The following ZNF484 variants were observed in gnomAD, a reference collection of about 807,000 sequenced individuals.
The protein encoded by ZNF484 is KRAB box containing C2H2 type zinc finger bA526D8.4.
In ZNF484, 11 loss-of-function variants were observed where a neutral mutation model predicts 12.9. The ratio of observed to expected loss-of-function variants is 0.85; its 90% CI spans 0.54 to 1.41. The LOEUF (loss-of-function observed/expected upper bound fraction) is 1.41. ZNF484 is among the 40% of genes most tolerant of loss of function. The pLI, the probability that ZNF484 is intolerant of heterozygous loss-of-function variation, is 0.00. For missense variants in ZNF484, 807 were observed against 1,007.7 expected (o/e 0.80, Z 2.70); for synonymous variants, 289 against 334.1 (o/e 0.86, Z 1.47).
At chr9:92,858,866 C>T (rs1856618326) in intron 2 of ZNF484, among the ~76,000 whole-genome samples, 1 of 152,138 alleles carries the variant, frequency 6.6e-6, no homozygotes, top group Non-Finnish European at 1.5e-5. Context: ...TGGCTCACAC[C>T]TGTAATCCCA....
At chr9:92,850,089 G>GCC (rs1225858423) in intron 4 of ZNF484, among the ~76,000 whole-genome samples, 1 of 152,178 alleles carries the variant, frequency 6.6e-6, no homozygotes, top group African/African-American at 2.4e-5. Flanking sequence ...GCGTAAGCCA[G>GCC]CAAGCCCAGC....
chr9:92,857,660 G>A (rs908228288), intron 2 of ZNF484, among the ~76,000 whole-genome samples: 4 of 152,136 alleles, frequency 2.6e-5, no homozygotes, highest in African/African-American at 7.2e-5. Context: ...GCTTCAACCC[G>A]GCCTTATTTC....
rs1488468801 is a variant in ZNF484, at chr9:92,875,024, G to A, written c.6C>T (p.Thr2=). M[T]KSLESVSFKD... is the part of the protein sequence containing the mutation. ...ACAAATAAGAACTCACCAGGGACTTGGTCATTTTTGGCTCTTCGGACAAAG... is the reference window on the plus strand; with the variant it reads ...ACAAATAAGAACTCACCAGGGACTTAGTCATTTTTGGCTCTTCGGACAAAG... Residue 2 remains threonine (T), a synonymous_variant, in exon 2 of 5, where the codon ACC becomes ACT. Coordinates refer to ENST00000375495, the MANE Select transcript of ZNF484 (RefSeq NM_031486.4). The A allele has an allele frequency of 6.2e-7, 1 of 1,613,944 alleles. No homozygotes were observed. The highest frequency in any genetic ancestry group is 2.2e-5 in the East Asian group (1 of 44,850).
rs1286871789 is a variant in ZNF484, at chr9:92,844,501, T to C, written c.*1727A>G. 6.6e-6 allele frequency among the ~76,000 whole-genome samples: 1 copy of C among 151,482 alleles called. No homozygotes were observed. Among genetic ancestry groups the C allele is most frequent in the East Asian group, 1.9e-4 (1 of 5,174 alleles). On this transcript the variant is annotated 3_prime_UTR_variant, in exon 5 of 5. Transcript: ENST00000375495. ...CAAGGAGGATAAATACATGGAAAAA[T>C]TACACCTAGGCATATCAATGTGCAA... is the stretch of plus-strand genomic sequence containing the variant.
rs1345341814 is a variant in ZNF484, at chr9:92,848,749, C to T, written c.236-198G>A. 6.6e-6 allele frequency among the ~76,000 whole-genome samples: 1 copy of T among 151,148 alleles called. No homozygotes were observed. Among genetic ancestry groups the T allele is most frequent in the Non-Finnish European group, 1.5e-5 (1 of 67,814 alleles). On this transcript the variant is annotated intron_variant, in intron 4 of 4. Transcript: ENST00000375495. The surrounding 1 kb of genome is among the most constrained non-coding windows in gnomAD (Gnocchi z 4.1). ...CTAAAAAACACTCAAAATATTGTCT[C>T]TACTAAAAATTAGCCAGGCGTGGTG...
chr9:92,866,136 A>G (rs1161050198), intron 2 of ZNF484, among the ~76,000 whole-genome samples: 1 of 152,236 alleles, frequency 6.6e-6, no homozygotes, highest in Non-Finnish European at 1.5e-5. Context: ...TTAGTTATCC[A>G]GATTGAGGAC....
chr9:92,856,104 G>A, intron 3 of ZNF484, 88 bp downstream of exon 3: 1 of 1,559,634 alleles, frequency 6.4e-7, no homozygotes. Context: ...ACATACCTCA[G>A]AAAACACAGA....
At chr9:92,850,524 T>C (rs925975801) in intron 4 of ZNF484, among the ~76,000 whole-genome samples, 1 of 152,226 alleles carries the variant, frequency 6.6e-6, no homozygotes, top group African/African-American at 2.4e-5. Flanking sequence ...GTTATATTTA[T>C]ATAGCCTCTC....
chr9:92,868,969 T>A (rs1857270277), intron 2 of ZNF484, among the ~76,000 whole-genome samples: 1 of 152,110 alleles, frequency 6.6e-6, no homozygotes. Context: ...CAAGTGATCC[T>A]CCTACCTTGG....
intron 2 of ZNF484, among the ~76,000 whole-genome samples, chr9:92,870,360 A>G (rs1016674122): frequency 6.6e-6 from 1 of 152,252 alleles, no homozygotes; most frequent in African/African-American, 2.4e-5. Flanking sequence ...AAAAACTTTT[A>G]GACAAAACCT....
intron 2 of ZNF484, among the ~76,000 whole-genome samples, chr9:92,865,040 GAA>G (rs997987774): frequency 1.6e-4 from 24 of 150,854 alleles, no homozygotes; most frequent in African/African-American, 5.5e-4. Context: ...GAGAGAGAGA[GAA>G]AGAGAGAGAG....
chr9:92,859,811 G>A (rs1392949746), intron 2 of ZNF484, among the ~76,000 whole-genome samples: 1 of 152,214 alleles, frequency 6.6e-6, no homozygotes, highest in Non-Finnish European at 1.5e-5. Flanking sequence ...GCTTTACAAT[G>A]AAAGGATACA....
At chr9:92,856,404 TCGA>T (rs2117946550) in intron 2 of ZNF484, 86 bp from the exon 3 acceptor site, 2 of 1,143,294 alleles carry the variant, frequency 1.7e-6, no homozygotes, top group Admixed American at 2.8e-5. Context: ...ATGTGAAGGA[TCGA>T]GATTACAGAA....
Position 92,847,524 on chromosome 9 carries a change from A to G in ZNF484, c.1263T>C (p.Phe421=), listed in dbSNP as rs1199829156. ...PYVCTECGKA[F]IRKSHFITHE... ...GTGTGATAAAATGTGACTTCCGGAT[A>G]AAGGCCTTCCCACATTCAGTACATA... The change falls in exon 5 of 5, where the codon TTT becomes TTC. Residue 421 remains phenylalanine, a synonymous_variant. Coordinates refer to ENST00000375495, the MANE Select transcript of ZNF484 (RefSeq NM_031486.4). 1.9e-6 allele frequency: 3 copies of G among 1,613,122 alleles called. No individual in the cohort carries two copies. Among genetic ancestry groups the G allele is most frequent in the South Asian group, 2.2e-5 (2 of 90,850 alleles).
intron 2 of ZNF484, among the ~76,000 whole-genome samples, chr9:92,858,198 A>C (rs1038788308): frequency 6.6e-6 from 1 of 152,246 alleles, no homozygotes; most frequent in Non-Finnish European, 1.5e-5. Context: ...GTTGGTTCTT[A>C]TAATAAAGAA....
At chr9:92,869,371 T>C (rs1392770306) in intron 2 of ZNF484, among the ~76,000 whole-genome samples, 1 of 152,152 alleles carries the variant, frequency 6.6e-6, no homozygotes, top group Admixed American at 6.6e-5. Context: ...CTTGTGAATA[T>C]TGTTAAAATA....
chr9:92,854,809 A>T (rs1428708348), intron 4 of ZNF484, among the ~76,000 whole-genome samples: 3 of 152,204 alleles, frequency 2.0e-5, no homozygotes, highest in African/African-American at 7.2e-5. Context: ...GAAAAACTGG[A>T]CAAGTAAAAT....
chr9:92,848,667 C>A lies in ZNF484; in HGVS notation c.236-116G>T, dbSNP rs1855862838. On this transcript the variant is annotated intron_variant, in intron 4 of 4. Transcript: ENST00000375495. This position sits in a 1 kb window ranked among gnomAD's most constrained non-coding sequence, Gnocchi z 4.1. Reference sequence around the variant, plus strand: ...CTTTGGGAGGCTGAGGTGGGCAGATCACTTGAGGCCAGGAGTTTGAGACCA... The same window carrying A: ...CTTTGGGAGGCTGAGGTGGGCAGATAACTTGAGGCCAGGAGTTTGAGACCA... 6.7e-6 allele frequency: 6 copies of A among 897,434 alleles called. No homozygotes were observed. The Admixed American group carries it at 1.6e-4, about 24-fold the overall frequency. 55.6% of individuals were successfully genotyped at this position (897,434 alleles called of 1,614,324 possible).
intron 4 of ZNF484, among the ~76,000 whole-genome samples, chr9:92,853,196 A>C (rs1230717421): frequency 6.6e-6 from 1 of 152,244 alleles, no homozygotes; most frequent in Non-Finnish European, 1.5e-5. Context: ...TAATCTAGGC[A>C]TGAGAAAACA....
Sources: allele counts gnomAD v4.1 joint callset (sites outside exome capture counted in the v4.1 genomes callset), GRCh38; gene constraint gnomAD v4.1.1; non-coding constraint Gnocchi (gnomAD v3.1); transcripts MANE v1.5; gene names NCBI Gene and HGNC (gene_info 2026-07-23, HGNC 2026-07-21).